CTDSPL: variants seen among roughly 807,000 people sequenced by gnomAD.
CTDSPL encodes the protein CTD small phosphatase like.
A neutral mutation model predicts 30.5 loss-of-function variants in CTDSPL; 8 were observed. The ratio of observed to expected loss-of-function variants is 0.26; its 90% CI spans 0.15 to 0.47. The LOEUF (loss-of-function observed/expected upper bound fraction) is 0.47, where lower values mean the gene tolerates loss of function less well. CTDSPL is among the 20% of genes least tolerant of loss of function. The pLI, the probability that CTDSPL is intolerant of heterozygous loss-of-function variation, is 0.99. For missense variants in CTDSPL, 248 were observed against 366.1 expected, an observed-to-expected ratio of 0.68 and a Z score of 2.63; for synonymous variants, 110 against 137.9, an observed-to-expected ratio of 0.80 and a Z score of 1.42.
rs1385883141 is a variant in CTDSPL at position 37,882,957 on chromosome 3, G to T, written c.79+20679G>T. Among the ~76,000 whole-genome samples, 69 of 152,182 alleles carry T rather than the reference G, an allele frequency of 4.5e-4. 1 individual carries two copies. Among genetic ancestry groups the T allele is most frequent in the Non-Finnish European group, 5.9e-5 (4 of 68,036 alleles). On this transcript the variant is annotated intron_variant, in intron 1 of 7. Coordinates refer to ENST00000273179, the MANE Select transcript of CTDSPL (RefSeq NM_001008392.2). ...CTTGGTTTGGAGCCAAGTTGGTTTT[G>T]TGTAGTGCTCTAGCCACAAATGGTT... is the stretch of plus-strand genomic sequence containing the variant.
At chr3:37,882,328 G>A (rs2125592785) in intron 1 of CTDSPL, among the ~76,000 whole-genome samples, 1 of 151,910 alleles carries the variant, frequency 6.6e-6, no homozygotes, top group African/African-American at 2.4e-5. Flanking sequence ...TATAGTCCCA[G>A]CTACTCGGGA....
At chr3:37,969,547 A>G (rs1432599382) in intron 5 of CTDSPL, 1 of 406,978 alleles carries the variant, frequency 2.5e-6, no homozygotes, top group Non-Finnish European at 5.0e-6. Flanking sequence ...ACCAGAGTTC[A>G]CAAATCAGTC....
chr3:37,936,690 C>G (rs951469186), intron 1 of CTDSPL, among the ~76,000 whole-genome samples: 1 of 141,452 alleles, frequency 7.1e-6, no homozygotes, highest in East Asian at 2.2e-4. Flanking sequence ...AGGTGTTTAG[C>G]TTATTCCGTA....
At chr3:37,949,204 T>A (rs1699080571) in intron 2 of CTDSPL, among the ~76,000 whole-genome samples, 1 of 152,206 alleles carries the variant, frequency 6.6e-6, no homozygotes, top group South Asian at 2.1e-4. Context: ...GGATAGAGAA[T>A]GTAAATAAGT....
chr3:37,978,636 G>A (rs1398782800), intron 7 of CTDSPL, among the ~76,000 whole-genome samples: 1 of 152,186 alleles, frequency 6.6e-6, no homozygotes, highest in Admixed American at 6.5e-5. Flanking sequence ...TTTGGATTTT[G>A]AGGCATTTCG....
intron 1 of CTDSPL, among the ~76,000 whole-genome samples, chr3:37,939,566 A>G (rs866870025): frequency 1.3e-5 from 2 of 150,290 alleles, no homozygotes. Flanking sequence ...AGTGACATTC[A>G]TGGTACAAAT....
Position 37,957,136 on chromosome 3 carries a change from T to C in CTDSPL, c.260T>C (p.Ile87Thr). The change falls in exon 3 of 8, where the codon ATA (isoleucine) becomes ACA (threonine). Residue 87 changes from isoleucine to threonine, a missense_variant. Ile to Thr is a moderately conservative substitution (Grantham distance 89). Around this residue, in one of 4 missense-constraint regions of CTDSPL, gnomAD observed 118 missense variants for 124.7 expected, o/e 0.95. Transcript: ENST00000273179. ...QKGDQRQVIP[I>T]PSPPAKYLLP... ...GGTGACCAGAGGCAGGTCATTCCCA[T>C]ACCAAGTGTATGTATATTTATCTAA... 6.3e-7 allele frequency: 1 copy of C among 1,593,364 alleles called. No individual in the cohort carries two copies. Among genetic ancestry groups the C allele is most frequent in the Non-Finnish European group, 8.6e-7 (1 of 1,166,282 alleles).
intron 1 of CTDSPL, among the ~76,000 whole-genome samples, chr3:37,873,912 T>G (rs745385850): frequency 6.6e-6 from 1 of 152,268 alleles, no homozygotes; most frequent in Non-Finnish European, 1.5e-5. Flanking sequence ...AAATTTTAGC[T>G]TCAAGTTCAT....
chr3:37,910,483 GAAC>G (rs950312020), intron 1 of CTDSPL, among the ~76,000 whole-genome samples: 2 of 151,452 alleles, frequency 1.3e-5, no homozygotes, highest in Non-Finnish European at 2.9e-5. Flanking sequence ...CTCTATCTCA[GAAC>G]AACAACAACA....
intron 1 of CTDSPL, among the ~76,000 whole-genome samples, chr3:37,863,609 C>T (rs1373761252): frequency 3.3e-5 from 5 of 152,250 alleles, no homozygotes; most frequent in Admixed American, 2.0e-4. Context: ...CCGGAGCTGG[C>T]CACAGCCGGC....
At chr3:37,957,937 C>T (rs192061149) in intron 3 of CTDSPL, among the ~76,000 whole-genome samples, 29 of 152,314 alleles carry the variant, frequency 1.9e-4, no homozygotes, top group African/African-American at 6.0e-4. Context: ...TCAAACAAGA[C>T]CTTTCAAATA....
intron 3 of CTDSPL, among the ~76,000 whole-genome samples, chr3:37,961,064 CACCATTAT>C (rs1490153973): frequency 1.3e-5 from 2 of 152,130 alleles, no homozygotes; most frequent in East Asian, 3.9e-4. Context: ...TTAATAGTTT[CACCATTAT>C]ACCTTTAAAT....
rs183212189 is a variant in CTDSPL, at chr3:37,885,810, G to A, written c.79+23532G>A. On this transcript the variant is annotated intron_variant, in intron 1 of 7. Coordinates refer to ENST00000273179, the MANE Select transcript of CTDSPL (RefSeq NM_001008392.2). ...CTAGGAAGGGCTGATCTGCAAAGGG[G>A]TGGAGATTTATATGCAGGTTTTCCA... Among the ~76,000 whole-genome samples the A allele has an allele frequency of 2.5e-3, 374 of 152,284 alleles. 3 individuals are homozygous for A. Among genetic ancestry groups the A allele is most frequent in the African/African-American group, 8.5e-3 (354 of 41,554 alleles).
intron 1 of CTDSPL, among the ~76,000 whole-genome samples, chr3:37,889,188 C>A (rs1480507352): frequency 6.6e-6 from 1 of 152,144 alleles, no homozygotes; most frequent in African/African-American, 2.4e-5. Context: ...TTTATTTATT[C>A]ATGTACTCCC....
At chr3:37,882,776 A>T (rs1199634032) in intron 1 of CTDSPL, among the ~76,000 whole-genome samples, 1 of 152,234 alleles carries the variant, frequency 6.6e-6, no homozygotes, top group Non-Finnish European at 1.5e-5. Flanking sequence ...GTATTCAGGA[A>T]GATTGCCAAA....
chr3:37,972,083 A>G (rs1699373176), intron 6 of CTDSPL, among the ~76,000 whole-genome samples: 1 of 152,240 alleles, frequency 6.6e-6, no homozygotes, highest in African/African-American at 2.4e-5. Flanking sequence ...GACTTAGCAC[A>G]GTGTCTGGCT....
chr3:37,958,007 G>A (rs1469135691), intron 3 of CTDSPL, among the ~76,000 whole-genome samples: 1 of 152,216 alleles, frequency 6.6e-6, no homozygotes, highest in Non-Finnish European at 1.5e-5. Context: ...TAATTTTTTA[G>A]TCTGTAAAGA....
At chr3:37,933,956 A>G (rs114632202) in intron 1 of CTDSPL, among the ~76,000 whole-genome samples, 129 of 152,306 alleles carry the variant, frequency 8.5e-4, no homozygotes, top group African/African-American at 3.0e-3. Context: ...GTATATTTTT[A>G]AAGGAAACAA....
intron 1 of CTDSPL, among the ~76,000 whole-genome samples, chr3:37,914,780 T>C (rs1559632311): frequency 1.3e-5 from 2 of 152,158 alleles, no homozygotes; most frequent in Non-Finnish European, 2.9e-5. Context: ...GTCAGATTTT[T>C]GTGTCATGGT....
Sources: allele counts gnomAD v4.1 joint callset (sites outside exome capture counted in the v4.1 genomes callset), GRCh38; gene constraint gnomAD v4.1.1; regional missense constraint gnomAD v4.1.1; transcripts MANE v1.5; gene names NCBI Gene and HGNC (gene_info 2026-07-23, HGNC 2026-07-21).